TMEM232: variants seen among roughly 807,000 people sequenced by gnomAD.
TMEM232 encodes transmembrane protein 232.
TMEM232 carries 80 observed loss-of-function variants against 78.8 expected under a neutral mutation model. That is an observed-to-expected ratio of 1.01 (90% confidence interval 0.85 to 1.22). TMEM232 has a LOEUF of 1.22. Among genes scored for constraint, TMEM232 ranks in the 50% most tolerant of loss-of-function variants. The probability of loss-of-function intolerance (pLI) is 0.00; values close to 1 mark genes in which losing one functional copy is unlikely to be tolerated. For synonymous variants in TMEM232, 297 were observed against 254.3 expected (o/e 1.17, Z -1.60); for missense variants, 881 against 742.2 (o/e 1.19, Z -2.17).
At chr5:110,493,582 G>A (rs1765332876) in intron 12 of TMEM232, among the ~76,000 whole-genome samples, 1 of 151,970 alleles carries the variant, frequency 6.6e-6, no homozygotes, top group Non-Finnish European at 1.5e-5. Context: ...CAATGTGAAT[G>A]AACAATTGTC....
intron 12 of TMEM232, among the ~76,000 whole-genome samples, chr5:110,496,558 TA>T (rs1178610690): frequency 5.3e-5 from 8 of 151,998 alleles, no homozygotes; most frequent in Non-Finnish European, 8.8e-5. Context: ...ATTTTCTTAA[TA>T]AAATTTCATT....
chr5:110,493,262 C>A, intron 12 of TMEM232, among the ~76,000 whole-genome samples: 1 of 149,724 alleles, frequency 6.7e-6, no homozygotes, highest in South Asian at 2.1e-4. Context: ...GAAAATTTTC[C>A]AAAATTAATT....
rs191658265 is a variant in TMEM232 at position 110,427,505 on chromosome 5, G to A, written c.1704-2589C>T. ...GACATTTGAAGTTAAATGAACAGTAGAGAGAGACTTTTCAAGAAAGATGGT... is the reference window on the plus strand; with the variant it reads ...GACATTTGAAGTTAAATGAACAGTAAAGAGAGACTTTTCAAGAAAGATGGT... On this transcript the variant is annotated intron_variant, in intron 12 of 13. Coordinates refer to ENST00000455884, the MANE Select transcript of TMEM232 (RefSeq NM_001039763.4). 4.8e-3 allele frequency among the ~76,000 whole-genome samples: 702 copies of A among 146,320 alleles called. 6 individuals carry two copies. The highest frequency in any genetic ancestry group is 5.3e-3 in the Non-Finnish European group (358 of 67,854).
intron 2 of TMEM232, among the ~76,000 whole-genome samples, chr5:110,648,072 T>G (rs915367247): frequency 6.6e-6 from 1 of 151,410 alleles, no homozygotes; most frequent in Non-Finnish European, 1.5e-5. Context: ...TACAAAGAAC[T>G]CCCAATAAAT....
At chr5:110,462,828 G>A (rs1456105939) in intron 12 of TMEM232, among the ~76,000 whole-genome samples, 1 of 152,152 alleles carries the variant, frequency 6.6e-6, no homozygotes, top group East Asian at 1.9e-4. Flanking sequence ...GGTGGAAATA[G>A]CAGAATTAAA....
chr5:110,443,680 G>A (rs1451050096), intron 12 of TMEM232, among the ~76,000 whole-genome samples: 1 of 152,170 alleles, frequency 6.6e-6, no homozygotes, highest in Non-Finnish European at 1.5e-5. Flanking sequence ...AGCCACCACA[G>A]CTGGGAGTGT....
chr5:110,438,291 A>G (rs1758653324), intron 12 of TMEM232, among the ~76,000 whole-genome samples: 1 of 151,308 alleles, frequency 6.6e-6, no homozygotes, highest in East Asian at 2.0e-4. Flanking sequence ...GCCTTCCTTC[A>G]GCTTGGTCAG....
At chr5:110,700,088 C>A (rs1344920802) in intron 1 of TMEM232, among the ~76,000 whole-genome samples, 3 of 152,072 alleles carry the variant, frequency 2.0e-5, no homozygotes, top group Non-Finnish European at 4.4e-5. Context: ...CTTAAGCAGA[C>A]AGCTGAAGAC....
chr5:110,530,448 T>C (rs1009565569), intron 11 of TMEM232, among the ~76,000 whole-genome samples: 5 of 152,154 alleles, frequency 3.3e-5, no homozygotes, highest in Non-Finnish European at 5.9e-5. Flanking sequence ...AACATTACTC[T>C]CAATAGCCAA....
rs140461488 is a variant in TMEM232, at chr5:110,632,164, C to T, written c.502-4284G>A. Among the ~76,000 whole-genome samples the T allele has an allele frequency of 1.0e-2, 1,521 of 152,150 alleles. 32 individuals are homozygous for T. The highest frequency in any genetic ancestry group is 0.034 in the African/African-American group (1,420 of 41,514). On this transcript the variant is annotated intron_variant, in intron 5 of 13. Coordinates refer to ENST00000455884, the MANE Select transcript of TMEM232 (RefSeq NM_001039763.4). ...GCTGTTTACAGCCAAAGAAATCATA[C>T]AGGGACTGCACTATTGCATGTACTC...
Position 110,420,610 on chromosome 5 carries a change from A to C in TMEM232, c.1944T>G (p.Tyr648Ter). ...TTACTTCCTTCCTATAAGGAAGTTC[A>C]TAGGGCTTGGTTTGCTTATGTAGTT... ...EEKLHKQTKP[Y>*]ELPYRKEVI The change falls in exon 14 of 14, where the codon TAT becomes TAG. Residue 648 changes from tyrosine to a stop codon, truncating the protein, a stop_gained. Coordinates refer to ENST00000455884, the MANE Select transcript of TMEM232 (RefSeq NM_001039763.4). LOFTEE classifies it high-confidence loss of function. 1 of 1,491,324 alleles carries C rather than the reference A, an allele frequency of 6.7e-7. No homozygotes were observed. The highest frequency in any genetic ancestry group is 2.6e-5 in the East Asian group (1 of 38,492). 92.4% of individuals were successfully genotyped at this position (1,491,324 alleles called of 1,614,324 possible). A position where few individuals can be genotyped will look rare whatever the true frequency, so the allele number is the denominator to read the frequency against.
Position 110,638,218 on chromosome 5 carries a change from C to A in TMEM232, c.481G>T (p.Val161Phe). Reference protein sequence around the residue: ...DASLKTYLYSVEIKLAKIGYL... With the variant: ...DASLKTYLYSFEIKLAKIGYL... The stretch of plus-strand genomic sequence containing the variant: ...CATACCTTTGCTAGCTTTATTTCAA[C>A]TGAATATAAATATGTTTTGAGGGAT... The change falls in exon 5 of 14, where the codon GTT (valine) becomes TTT (phenylalanine). Residue 161 changes from valine to phenylalanine, a missense_variant. Physicochemically the swap from Val to Phe is conservative, Grantham distance 50 (BLOSUM62 -1). Coordinates refer to ENST00000455884, the MANE Select transcript of TMEM232 (RefSeq NM_001039763.4). 6.5e-7 allele frequency: 1 copy of A among 1,541,260 alleles called. No individual in the cohort carries two copies. The highest frequency in any genetic ancestry group is 8.7e-7 in the Non-Finnish European group (1 of 1,143,306).
At chr5:110,677,584 T>C (rs756262242) in intron 1 of TMEM232, among the ~76,000 whole-genome samples, 47 of 152,322 alleles carry the variant, frequency 3.1e-4, no homozygotes, top group Non-Finnish European at 5.1e-4. Context: ...TATTATTTGA[T>C]GGAATGTTTA....
At position 110,438,468 on chromosome 5, in the gene TMEM232, C is replaced by T. The variant is rs150817546; in HGVS notation, c.1704-13552G>A. ...ACTAACAAATTGTGATGCTTTTTTTCATTAAGAAAATAGATTTGCCCTCCA... is the reference window on the plus strand; with the variant it reads ...ACTAACAAATTGTGATGCTTTTTTTTATTAAGAAAATAGATTTGCCCTCCA... On this transcript the variant is annotated intron_variant, in intron 12 of 13. Transcript: ENST00000455884. Among the ~76,000 whole-genome samples, 378 of 151,664 alleles carry T rather than the reference C, an allele frequency of 2.5e-3. 2 individuals carry two copies. The highest frequency in any genetic ancestry group is 8.8e-3 in the African/African-American group (363 of 41,240).
At chr5:110,433,433 G>C (rs1335629298) in intron 12 of TMEM232, among the ~76,000 whole-genome samples, 1 of 151,686 alleles carries the variant, frequency 6.6e-6, no homozygotes, top group African/African-American at 2.4e-5. Flanking sequence ...AAACAAATGA[G>C]AATAGAGGTA....
At chr5:110,738,229 G>A, upstream of TMEM232, 1 of 1,287,154 alleles carries the variant, frequency 7.8e-7, no homozygotes, top group Non-Finnish European at 1.0e-6. Context: ...CCAAGAGCCC[G>A]TGGAGCTAAT....
intron 10 of TMEM232, among the ~76,000 whole-genome samples, chr5:110,582,108 C>T (rs897732611): frequency 6.6e-6 from 1 of 151,984 alleles, no homozygotes; most frequent in African/African-American, 2.4e-5. Context: ...GGAGATTTCT[C>T]AAAGTTCTTA....
At chr5:110,710,743 G>C (rs1796388427) in intron 1 of TMEM232, among the ~76,000 whole-genome samples, 1 of 151,904 alleles carries the variant, frequency 6.6e-6, no homozygotes, top group South Asian at 2.1e-4. Flanking sequence ...GAAAAAACTG[G>C]GTATAGAAGG....
intron 7 of TMEM232, among the ~76,000 whole-genome samples, chr5:110,619,233 T>C (rs1783335378): frequency 6.6e-6 from 1 of 152,176 alleles, no homozygotes; most frequent in Non-Finnish European, 1.5e-5. Flanking sequence ...AGTTGATATT[T>C]TGTGATTTTT....
Sources: gnomAD v4.1 joint callset for allele counts (sites outside exome capture counted in the v4.1 genomes callset) on GRCh38, gnomAD v4.1.1 for gene constraint, MANE v1.5 for transcripts, NCBI Gene and HGNC (gene_info 2026-07-23, HGNC 2026-07-21) for gene names.